MACROD2: variants seen among roughly 807,000 people sequenced by gnomAD.
MACROD2 encodes ADP-ribose glycohydrolase MACROD2.
MACROD2 carries 36 observed loss-of-function variants against 70.4 expected under a neutral mutation model. The observed-to-expected ratio is 0.51, with a 90% CI of 0.39 to 0.68. The LOEUF is 0.68. MACROD2 is among the 30% of genes least tolerant of loss of function. The pLI is 0.00. For missense variants in MACROD2, 496 were observed against 538.4 expected, an observed-to-expected ratio of 0.92 and a Z score of 0.78; for synonymous variants, 172 against 178.8, an observed-to-expected ratio of 0.96 and a Z score of 0.30.
chr20:14,642,195 CT>C (rs1985133042), intron 4 of MACROD2, among the ~76,000 whole-genome samples: 2 of 152,342 alleles, frequency 1.3e-5, no homozygotes, highest in Admixed American at 1.3e-4. Context: ...TAGCTTCCAA[CT>C]TTTCTCTTCC....
At chr20:16,004,258 A>G (rs927905209) in intron 15 of MACROD2, among the ~76,000 whole-genome samples, 3 of 152,156 alleles carry the variant, frequency 2.0e-5, no homozygotes, top group Middle Eastern at 3.2e-3. Context: ...CTTTGTGGTC[A>G]TTGCACAACA....
chr20:15,004,796 TCA>T (rs1246820494), intron 5 of MACROD2, among the ~76,000 whole-genome samples: 1 of 152,220 alleles, frequency 6.6e-6, no homozygotes. Context: ...AACTTATTTG[TCA>T]ATTTAGGCAG....
Position 15,103,453 on chromosome 20 carries a change from A to C in MACROD2, c.419-126487A>C, listed in dbSNP as rs146370029. 5.9e-5 allele frequency among the ~76,000 whole-genome samples: 9 copies of C among 152,260 alleles called. No individual in the cohort carries two copies. The East Asian group carries it at 1.7e-3, about 29-fold the overall frequency. On this transcript the variant is annotated intron_variant, in intron 5 of 17. Coordinates refer to ENST00000684519, the MANE Select transcript of MACROD2 (RefSeq NM_001351661.2). Reference sequence around the variant, plus strand: ...TCTTATATCAGACACTGACAAGCACAATGGGACCAACATGGTTGATGTATC... The same window carrying C: ...TCTTATATCAGACACTGACAAGCACCATGGGACCAACATGGTTGATGTATC...
At chr20:14,674,679 A>G (rs2070837647) in intron 4 of MACROD2, among the ~76,000 whole-genome samples, 1 of 152,244 alleles carries the variant, frequency 6.6e-6, no homozygotes, top group Non-Finnish European at 1.5e-5. Flanking sequence ...GGCACACAGC[A>G]CATCTTCAAA....
At chr20:15,074,968 A>C (rs450137) in intron 5 of MACROD2, among the ~76,000 whole-genome samples, 24,520 of 152,208 alleles carry the variant, frequency 0.16, 2,659 homozygotes, top group Non-Finnish European at 0.24. Flanking sequence ...GAATACATGG[A>C]AAGGTAAATG....
At chr20:15,457,872 A>C (rs2046749467) in intron 7 of MACROD2, among the ~76,000 whole-genome samples, 1 of 151,730 alleles carries the variant, frequency 6.6e-6, no homozygotes, top group African/African-American at 2.4e-5. Context: ...ATCTCCGTGA[A>C]CTGTGGTTTC....
At chr20:14,561,179 A>G (rs757304514) in intron 4 of MACROD2, among the ~76,000 whole-genome samples, 2 of 151,916 alleles carry the variant, frequency 1.3e-5, no homozygotes, top group Admixed American at 6.6e-5. Flanking sequence ...CTGTATTGTT[A>G]TAATTTGTAT....
intron 12 of MACROD2, among the ~76,000 whole-genome samples, chr20:15,958,395 T>C (rs1285893563): frequency 6.6e-6 from 1 of 152,166 alleles, no homozygotes; most frequent in African/African-American, 2.4e-5. Flanking sequence ...TTAAGTGTTT[T>C]GAATATCTCT....
At chr20:14,346,916 T>C (rs1452561153) in intron 3 of MACROD2, among the ~76,000 whole-genome samples, 2 of 152,334 alleles carry the variant, frequency 1.3e-5, no homozygotes, top group Middle Eastern at 3.4e-3. Flanking sequence ...ATAACTAACT[T>C]TCCCAAGTTG....
In MACROD2 at chr20:15,047,091, G is replaced by A. The variant is rs1434655274; in HGVS notation, c.419-182849G>A. The stretch of plus-strand genomic sequence containing the variant: ...TGTTCACAATGATCTGGCAGCCCAA[G>A]CATGATATTTAATGTAATTGATGTC... On this transcript the variant is annotated intron_variant, in intron 5 of 17. Transcript: ENST00000684519. Among the ~76,000 whole-genome samples, 2 of 152,170 alleles carry A rather than the reference G, an allele frequency of 1.3e-5. 1 individual carries two copies. The highest frequency in any genetic ancestry group is 1.3e-4 in the Admixed American group (2 of 15,268).
chr20:15,945,317 G>A (rs916835425), intron 12 of MACROD2, among the ~76,000 whole-genome samples: 17 of 152,140 alleles, frequency 1.1e-4, no homozygotes, highest in African/African-American at 4.1e-4. Context: ...AAACTTGGTG[G>A]AAGTCTCTGC....
chr20:15,382,489 T>G (rs1050197081), intron 6 of MACROD2, among the ~76,000 whole-genome samples: 1 of 152,190 alleles, frequency 6.6e-6, no homozygotes, highest in African/African-American at 2.4e-5. Context: ...CTTCAGTACA[T>G]AGGAGACACC....
At chr20:14,571,613 G>C (rs1435346662) in intron 4 of MACROD2, among the ~76,000 whole-genome samples, 1 of 152,026 alleles carries the variant, frequency 6.6e-6, no homozygotes, top group Non-Finnish European at 1.5e-5. Context: ...GAAAATTCAT[G>C]TTCCAAAATG....
chr20:14,467,495 A>T lies in MACROD2; in HGVS notation c.272-25984A>T, dbSNP rs901240710. 8.6e-5 allele frequency among the ~76,000 whole-genome samples: 13 copies of T among 151,986 alleles called. 1 individual carries two copies. The highest frequency in any genetic ancestry group is 1.8e-4 in the Non-Finnish European group (12 of 68,020). ...TCCTTTGTGCTTCCCGGGTGAGGCG[A>T]TGCCTCTCCCTGCTTTGGCTCACGC... On this transcript the variant is annotated intron_variant, in intron 3 of 17. Transcript: ENST00000684519.
intron 5 of MACROD2, among the ~76,000 whole-genome samples, chr20:15,225,042 T>C (rs2076893859): frequency 6.6e-6 from 1 of 152,000 alleles, no homozygotes; most frequent in Admixed American, 6.6e-5. Flanking sequence ...AGTGTACATA[T>C]TAAAATTATA....
intron 3 of MACROD2, among the ~76,000 whole-genome samples, chr20:14,423,249 G>A (rs2083895027): frequency 6.6e-6 from 1 of 151,416 alleles, no homozygotes; most frequent in South Asian, 2.1e-4. Flanking sequence ...TCGAAGATAG[G>A]TTTTTTTTTG....
chr20:15,036,264 A>T (rs2075312270), intron 5 of MACROD2, among the ~76,000 whole-genome samples: 2 of 152,172 alleles, frequency 1.3e-5, no homozygotes, highest in East Asian at 3.9e-4. Flanking sequence ...CACTTGTAGA[A>T]CTTGGATGAT....
At chr20:15,146,375 A>G (rs1021649874) in intron 5 of MACROD2, among the ~76,000 whole-genome samples, 1 of 152,178 alleles carries the variant, frequency 6.6e-6, no homozygotes, top group Admixed American at 6.5e-5. Flanking sequence ...TGTAGTAGTG[A>G]AAATGGAAAT....
chr20:15,601,276 G>A lies in MACROD2; in HGVS notation c.645+101429G>A, dbSNP rs142188472. ...GCTCATCTTTTCACGCCTCTCAGGA[G>A]CTCCTCTGTGGATGTTTCTTGTAAA... is the stretch of plus-strand genomic sequence containing the variant. On this transcript the variant is annotated intron_variant, in intron 8 of 17. Coordinates refer to ENST00000684519, the MANE Select transcript of MACROD2 (RefSeq NM_001351661.2). Among the ~76,000 whole-genome samples, 6 of 152,208 alleles carry A rather than the reference G, an allele frequency of 3.9e-5. No individual in the cohort carries two copies. The East Asian group carries it at 1.2e-3, about 29-fold the overall frequency.
Sources: gnomAD v4.1 joint callset for allele counts (sites outside exome capture counted in the v4.1 genomes callset) on GRCh38, gnomAD v4.1.1 for gene constraint, MANE v1.5 for transcripts, NCBI Gene and HGNC (gene_info 2026-07-23, HGNC 2026-07-21) for gene names.